WIPI2: variants seen among roughly 807,000 people sequenced by gnomAD.
The protein encoded by WIPI2 is WD repeat domain phosphoinositide-interacting protein 2.
WIPI2 carries 28 observed loss-of-function variants against 52.3 expected under a neutral mutation model. That is an observed-to-expected ratio of 0.54 (90% confidence interval 0.40 to 0.73). The LOEUF (loss-of-function observed/expected upper bound fraction) is 0.73. Among genes scored for constraint, WIPI2 ranks in the 30% least tolerant of loss-of-function variants. The probability of loss-of-function intolerance (pLI) is 0.00; values close to 1 mark genes in which losing one functional copy is unlikely to be tolerated. For synonymous variants in WIPI2, 268 were observed against 245.0 expected (o/e 1.09, Z -0.88); for missense variants, 506 against 602.9 (o/e 0.84, Z 1.68).
chr7:5,231,064 T>TAAA lies in WIPI2; in HGVS notation c.*128_*130dup. The TAAA allele has an allele frequency of 9.1e-6, 5 of 549,916 alleles. No individual in the cohort carries two copies. Among genetic ancestry groups the TAAA allele is most frequent in the South Asian group, 4.0e-5 (1 of 25,152 alleles). 34.1% of individuals were successfully genotyped at this position (549,916 alleles called of 1,614,324 possible). A position where few individuals can be genotyped will look rare whatever the true frequency, so the allele number is the denominator to read the frequency against. On this transcript the variant is annotated 3_prime_UTR_variant, in exon 13 of 13. Coordinates refer to ENST00000288828, the MANE Select transcript of WIPI2 (RefSeq NM_015610.4). ...GGGGAGAGGATGGCAGAGACTTTAT[T>TAAA]AAAAAAAAAAAAAGATTGTAGTGGT...
chr7:5,190,393 C>CCGGGCCCACTCGCCG lies in WIPI2; in HGVS notation c.-24_-10dup. 7.4e-7 allele frequency: 1 copy of CCGGGCCCACTCGCCG among 1,359,872 alleles called. No homozygotes were observed. Among genetic ancestry groups the CCGGGCCCACTCGCCG allele is most frequent in the South Asian group, 1.8e-5 (1 of 54,106 alleles). 84.2% of individuals were successfully genotyped at this position (1,359,872 alleles called of 1,614,324 possible). ...GCCCTCGCGCGCGCGCCCTCCCCGG[C>CCGGGCCCACTCGCCG]CGGGCCCACTCGCCGCGCGCCCAGC... On this transcript the variant is annotated 5_prime_UTR_variant, in exon 1 of 13. Transcript: ENST00000288828.
In WIPI2 at chr7:5,199,673, T is replaced by G; in HGVS notation, c.211+15T>G. On this transcript the variant is annotated intron_variant, in intron 3 of 12. Coordinates refer to ENST00000288828, the MANE Select transcript of WIPI2 (RefSeq NM_015610.4). The stretch of plus-strand genomic sequence containing the variant: ...CTATGAATGCAGTAAGTGTTTGCTT[T>G]ATTTTTCCCCTTCTTAAAAAAAAAA... 1 of 1,569,854 alleles carries G rather than the reference T, an allele frequency of 6.4e-7. No homozygotes were observed. The highest frequency in any genetic ancestry group is 8.6e-7 in the Non-Finnish European group (1 of 1,166,600).
In WIPI2 at chr7:5,229,737, T is replaced by C. The variant is rs368022174; in HGVS notation, c.1251T>C (p.Leu417=). 27 of 1,613,502 alleles carry C rather than the reference T, an allele frequency of 1.7e-5. No individual in the cohort carries two copies. In the East Asian group the frequency reaches 5.3e-4, roughly 32 times the overall value. Residue 417 remains leucine (L), a splice_region_variant and synonymous_variant, in exon 12 of 13, where the codon CTT becomes CTC. Coordinates refer to ENST00000288828, the MANE Select transcript of WIPI2 (RefSeq NM_015610.4). ...ACGTGCCTTCATCCCCAACGAGACT[T>C]GGTAAGGGGCGTGACGCAAACCTGG... ...GTYVPSSPTR[L]AYTDDLGAVG...
At chr7:5,223,796 C>T (rs1338527414) in intron 8 of WIPI2, among the ~76,000 whole-genome samples, 1 of 152,208 alleles carries the variant, frequency 6.6e-6, no homozygotes, top group African/African-American at 2.4e-5. Flanking sequence ...AATAGCGCCA[C>T]TTGCCACCCC....
At position 5,190,365 on chromosome 7, in the gene WIPI2, C is replaced by G. The variant is rs1472526251; in HGVS notation, c.-55C>G. ...GGCGCCGACCCTGAGTGCAGCCTGACCCGCCCTCGCGCGCGCGCCCTCCCC... is the reference window on the plus strand; with the variant it reads ...GGCGCCGACCCTGAGTGCAGCCTGAGCCGCCCTCGCGCGCGCGCCCTCCCC... On this transcript the variant is annotated 5_prime_UTR_variant, in exon 1 of 13. Coordinates refer to ENST00000288828, the MANE Select transcript of WIPI2 (RefSeq NM_015610.4). 4 of 1,273,322 alleles carry G rather than the reference C, an allele frequency of 3.1e-6. No individual in the cohort carries two copies. The highest frequency in any genetic ancestry group is 4.0e-6 in the Non-Finnish European group (4 of 997,270). The allele number at this position is 1,273,322 out of a possible 1,614,324, so 78.9% of individuals were successfully genotyped here. A position where few individuals can be genotyped will look rare whatever the true frequency, so the allele number is the denominator to read the frequency against.
intron 8 of WIPI2, among the ~76,000 whole-genome samples, chr7:5,223,299 C>T (rs1251456035): frequency 1.3e-5 from 2 of 152,176 alleles, no homozygotes; most frequent in Non-Finnish European, 2.9e-5. Flanking sequence ...TGGCCGTGGT[C>T]GGCGGGACCC....
intron 5 of WIPI2, 54 bp downstream of exon 5, chr7:5,216,713 A>G (rs1782833396): frequency 1.3e-6 from 2 of 1,558,068 alleles, no homozygotes; most frequent in African/African-American, 1.4e-5. Context: ...CCCTTGAAAG[A>G]TAGCTATAGG....
At chr7:5,220,015 T>C (rs1783027612) in intron 7 of WIPI2, among the ~76,000 whole-genome samples, 1 of 151,450 alleles carries the variant, frequency 6.6e-6, no homozygotes, top group African/African-American at 2.4e-5. Context: ...GTTGTACTTT[T>C]TGTAGAGATG....
intron 11 of WIPI2, 114 bp downstream of exon 11, chr7:5,228,325 TC>T: frequency 2.0e-6 from 2 of 1,005,140 alleles, no homozygotes; most frequent in Non-Finnish European, 2.8e-6. Flanking sequence ...AGGGGCAGAT[TC>T]CAGCACAGCG....
At chr7:5,199,461 T>C (rs1781919544) in intron 2 of WIPI2, 115 bp from the exon 3 acceptor site, 1 of 802,492 alleles carries the variant, frequency 1.2e-6, no homozygotes, top group Admixed American at 2.3e-5. Flanking sequence ...TGTGCTGATT[T>C]GTGGAGGGCA....
rs564428481 is a variant in WIPI2, at chr7:5,214,249, C to T, written c.212-286C>T. The T allele has an allele frequency of 5.1e-6, 7 of 1,364,582 alleles. No individual in the cohort carries two copies. In the African/African-American group the frequency reaches 8.7e-5, roughly 17 times the overall value. 84.5% of individuals were successfully genotyped at this position (1,364,582 alleles called of 1,614,324 possible). A position where few individuals can be genotyped will look rare whatever the true frequency, so the allele number is the denominator to read the frequency against. ...TTTACCTAGGAGTTTGGTTCCTAAA[C>T]TCACCATTCAAATCCAGCAACAGAA... On this transcript the variant is annotated intron_variant, in intron 3 of 12. Transcript: ENST00000288828.
At chr7:5,205,120 C>T (rs1782230348) in intron 3 of WIPI2, among the ~76,000 whole-genome samples, 1 of 152,212 alleles carries the variant, frequency 6.6e-6, no homozygotes, top group South Asian at 2.1e-4. Flanking sequence ...GGATTAGAGG[C>T]ATGCACCACC....
At chr7:5,194,059 G>T (rs1781619342) in intron 2 of WIPI2, among the ~76,000 whole-genome samples, 1 of 152,230 alleles carries the variant, frequency 6.6e-6, no homozygotes, top group Admixed American at 6.6e-5. Context: ...GCATCATGCA[G>T]CCAAGGGAGA....
chr7:5,221,104 C>G (rs1366362987), intron 7 of WIPI2, among the ~76,000 whole-genome samples: 1 of 151,922 alleles, frequency 6.6e-6, no homozygotes, highest in South Asian at 2.1e-4. Flanking sequence ...GCTGGGATTA[C>G]AGGCATGCGC....
In WIPI2 at chr7:5,194,026, G is replaced by A. The variant is rs527254553; in HGVS notation, c.128+855G>A. Among the ~76,000 whole-genome samples, 41 of 152,356 alleles carry A rather than the reference G, an allele frequency of 2.7e-4. No homozygotes were observed. The South Asian group carries it at 6.0e-3, about 22-fold the overall frequency. On this transcript the variant is annotated intron_variant, in intron 2 of 12. Transcript: ENST00000288828. ...GGGAAGGAGACTGTCTCGCCATCAG[G>A]ACTTGTGTGACCCACAGGACGTGCA... is the stretch of plus-strand genomic sequence containing the variant.
chr7:5,198,374 C>CTGGT, intron 2 of WIPI2, among the ~76,000 whole-genome samples: 1 of 151,592 alleles, frequency 6.6e-6, no homozygotes, highest in East Asian at 1.9e-4. Flanking sequence ...AGTGCAGTGG[C>CTGGT]GCAATCTCCG....
intron 3 of WIPI2, among the ~76,000 whole-genome samples, chr7:5,201,120 C>A (rs1172600006): frequency 6.6e-6 from 1 of 152,216 alleles, no homozygotes; most frequent in African/African-American, 2.4e-5. Context: ...GCTGCCTTCA[C>A]GTGAGCCACA....
intron 3 of WIPI2, among the ~76,000 whole-genome samples, chr7:5,202,391 G>A (rs1359914003): frequency 7.2e-5 from 11 of 151,982 alleles, no homozygotes; most frequent in African/African-American, 2.7e-4. Flanking sequence ...CCTCATATAT[G>A]TATATATATG....
chr7:5,222,841 A>C, intron 8 of WIPI2, 169 bp downstream of exon 8: 1 of 642,216 alleles, frequency 1.6e-6, no homozygotes, highest in South Asian at 1.9e-5. Context: ...ATGGGAATTG[A>C]AGAGCACTTT....
Sources: gnomAD v4.1 joint callset for allele counts (sites outside exome capture counted in the v4.1 genomes callset) on GRCh38, gnomAD v4.1.1 for gene constraint, MANE v1.5 for transcripts, NCBI Gene and HGNC (gene_info 2026-07-23, HGNC 2026-07-21) for gene names.